Variants in DVL3 observed in about 807,000 individuals in gnomAD.
DVL3 encodes the protein dishevelled segment polarity protein 3.
DVL3 carries 27 observed loss-of-function variants against 67.4 expected under a neutral mutation model. The observed-to-expected ratio is 0.40, with a 90% CI of 0.30 to 0.55. The LOEUF is 0.55. Among genes scored for constraint, DVL3 ranks in the 20% least tolerant of loss-of-function variants. The pLI is 0.46. For synonymous variants in DVL3, 369 were observed against 396.8 expected (o/e 0.93, Z 0.83); for missense variants, 819 against 1,021.5 (o/e 0.80, Z 2.70).
At position 184,167,508 on chromosome 3, in the gene DVL3, C is replaced by T; in HGVS notation, c.1199-72C>T. Reference sequence around the variant, plus strand: ...ATCCCATAATTACTAGATGGTAGAGCTAGAATGCAAACTCTTGTTTACCTA... The same window carrying T: ...ATCCCATAATTACTAGATGGTAGAGTTAGAATGCAAACTCTTGTTTACCTA... On this transcript the variant is annotated intron_variant, in intron 11 of 14. Coordinates refer to ENST00000313143, the MANE Select transcript of DVL3 (RefSeq NM_004423.4). This position sits in a 1 kb window ranked among gnomAD's most constrained non-coding sequence, Gnocchi z 4.6. 1 of 1,441,380 alleles carries T rather than the reference C, an allele frequency of 6.9e-7. No homozygotes were observed. The highest frequency in any genetic ancestry group is 2.3e-5 in the East Asian group (1 of 43,606). 89.3% of individuals were successfully genotyped at this position (1,441,380 alleles called of 1,614,324 possible). A position where few individuals can be genotyped will look rare whatever the true frequency, so the allele number is the denominator to read the frequency against.
At position 184,171,175 on chromosome 3, in the gene DVL3, C is replaced by G. The variant is rs1203600530; in HGVS notation, c.*420C>G. On this transcript the variant is annotated 3_prime_UTR_variant, in exon 15 of 15. Coordinates refer to ENST00000313143, the MANE Select transcript of DVL3 (RefSeq NM_004423.4). The stretch of plus-strand genomic sequence containing the variant: ...CCATTTATTCAGCTACATCATCCCT[C>G]TATTAACCCCACCCCATCAGGCACG... The G allele has an allele frequency of 1.7e-6, 2 of 1,144,176 alleles. No individual in the cohort carries two copies. The highest frequency in any genetic ancestry group is 2.2e-6 in the Non-Finnish European group (2 of 923,188). The allele number at this position is 1,144,176 out of a possible 1,614,324, so 70.9% of individuals were successfully genotyped here.
chr3:184,166,408 C>T lies in DVL3; in HGVS notation c.904-38C>T. On this transcript the variant is annotated intron_variant, in intron 8 of 14. Transcript: ENST00000313143. This position sits in a 1 kb window ranked among gnomAD's most constrained non-coding sequence, Gnocchi z 6.7. ...AGTTGAGTTCCCTTTTCATCCTCCCCAGCACAGCTGTTTATCCCACTCCTG... is the reference window on the plus strand; with the variant it reads ...AGTTGAGTTCCCTTTTCATCCTCCCTAGCACAGCTGTTTATCCCACTCCTG... 3 of 1,613,452 alleles carry T rather than the reference C, an allele frequency of 1.9e-6. No homozygotes were observed. Among genetic ancestry groups the T allele is most frequent in the Non-Finnish European group, 2.5e-6 (3 of 1,179,402 alleles).
At position 184,165,369 on chromosome 3, in the gene DVL3, G is replaced by A; in HGVS notation, c.694-53G>A. The A allele has an allele frequency of 6.3e-7, 1 of 1,588,474 alleles. No individual in the cohort carries two copies. The highest frequency in any genetic ancestry group is 8.6e-7 in the Non-Finnish European group (1 of 1,158,000). On this transcript the variant is annotated intron_variant, in intron 6 of 14. Coordinates refer to ENST00000313143, the MANE Select transcript of DVL3 (RefSeq NM_004423.4). The surrounding 1 kb of genome is among the most constrained non-coding windows in gnomAD (Gnocchi z 4.1). ...ACTCACCTTGAGGAGGAGTCAGGTG[G>A]GAGTGAATTCCTGCCACCTCCACCT... is the stretch of plus-strand genomic sequence containing the variant.
intron 1 of DVL3, chr3:184,156,765 A>T: frequency 3.5e-6 from 1 of 283,020 alleles, no homozygotes; most frequent in South Asian, 3.1e-5. Context: ...GGGGAGGGGG[A>T]GGCGCCCACA....
intron 13 of DVL3, 86 bp from the exon 14 acceptor site, chr3:184,169,920 G>T: frequency 1.6e-6 from 2 of 1,233,974 alleles, no homozygotes; most frequent in Non-Finnish European, 2.3e-6. Flanking sequence ...AAACTACCAC[G>T]GTCTCTCTCA....
In DVL3 at chr3:184,172,829, C is replaced by G. The variant is rs1714893731; in HGVS notation, c.*2074C>G. The G allele has an allele frequency of 6.6e-6, 1 of 152,192 alleles. No homozygotes were observed. Among genetic ancestry groups the G allele is most frequent in the Non-Finnish European group, 1.5e-5 (1 of 68,054 alleles). The allele number at this position is 152,192 out of a possible 1,614,324, so 9.4% of individuals were successfully genotyped here. Reference sequence around the variant, plus strand: ...CAATCTTGCCTGCCTTCTGGGAGCTCTAGAATTGTTCCCAACCCAGTCCAT... The same window carrying G: ...CAATCTTGCCTGCCTTCTGGGAGCTGTAGAATTGTTCCCAACCCAGTCCAT... On this transcript the variant is annotated 3_prime_UTR_variant, in exon 15 of 15. Coordinates refer to ENST00000313143, the MANE Select transcript of DVL3 (RefSeq NM_004423.4).
At chr3:184,159,799 C>A (rs73045932) in intron 1 of DVL3, among the ~76,000 whole-genome samples, 8 of 152,332 alleles carry the variant, frequency 5.3e-5, no homozygotes, top group African/African-American at 1.9e-4. Flanking sequence ...GGACCATAGT[C>A]TCTCTGAGAA....
intron 1 of DVL3, among the ~76,000 whole-genome samples, chr3:184,161,472 T>C (rs995318921): frequency 6.6e-6 from 1 of 151,252 alleles, no homozygotes; most frequent in Admixed American, 6.6e-5. Flanking sequence ...CTTCCCAACC[T>C]CCTCCTTGCT....
At position 184,167,806 on chromosome 3, in the gene DVL3, A is replaced by G; in HGVS notation, c.1331-92A>G. On this transcript the variant is annotated intron_variant, in intron 12 of 14. Transcript: ENST00000313143. This position sits in a 1 kb window ranked among gnomAD's most constrained non-coding sequence, Gnocchi z 4.6. ...GGACTTGCCTTGGACCCTTCCTTTG[A>G]TCTGGAGCCAGCCCCAGCCTCATAG... The G allele has an allele frequency of 6.2e-7, 1 of 1,600,310 alleles. No individual in the cohort carries two copies.
Position 184,167,188 on chromosome 3 carries a change from C to T in DVL3, c.1198+213C>T, listed in dbSNP as rs757815047. On this transcript the variant is annotated intron_variant, in intron 11 of 14. Coordinates refer to ENST00000313143, the MANE Select transcript of DVL3 (RefSeq NM_004423.4). This position sits in a 1 kb window ranked among gnomAD's most constrained non-coding sequence, Gnocchi z 4.6. ...TCTGAACTTGTATGAGCACCCAGGGCGCCTCAGTTTCCTCTTACAAAATGG... is the reference window on the plus strand; with the variant it reads ...TCTGAACTTGTATGAGCACCCAGGGTGCCTCAGTTTCCTCTTACAAAATGG... Among the ~76,000 whole-genome samples, 21 of 152,152 alleles carry T rather than the reference C, an allele frequency of 1.4e-4. No homozygotes were observed. The highest frequency in any genetic ancestry group is 2.1e-4 in the Non-Finnish European group (14 of 68,028).
At position 184,155,471 on chromosome 3, in the gene DVL3, G is replaced by A; in HGVS notation, c.-165G>A. The A allele has an allele frequency of 4.5e-6, 1 of 224,276 alleles. No individual in the cohort carries two copies. The highest frequency in any genetic ancestry group is 7.5e-6 in the Non-Finnish European group (1 of 134,192). The allele number at this position is 224,276 out of a possible 1,614,324, so 13.9% of individuals were successfully genotyped here. ...GCGGCGGCCGCGGCGGCGGCGGGCGGCGCTGGGACCCGGTAGCGGCCGGAG... is the reference window on the plus strand; with the variant it reads ...GCGGCGGCCGCGGCGGCGGCGGGCGACGCTGGGACCCGGTAGCGGCCGGAG... On this transcript the variant is annotated 5_prime_UTR_variant, in exon 1 of 15. Transcript: ENST00000313143. This position sits in a 1 kb window ranked among gnomAD's most constrained non-coding sequence, Gnocchi z 5.4.
At position 184,166,756 on chromosome 3, in the gene DVL3, C is replaced by T. The variant is rs1057124035; in HGVS notation, c.1049-70C>T. 8 of 1,613,258 alleles carry T rather than the reference C, an allele frequency of 5.0e-6. No individual in the cohort carries two copies. The highest frequency in any genetic ancestry group is 6.8e-6 in the Non-Finnish European group (8 of 1,179,458). ...CTCCTTTCTTCTCTCACCCAGAACC[C>T]CCATATCTATCCTGTTGGGCCCAGC... On this transcript the variant is annotated intron_variant, in intron 10 of 14. Transcript: ENST00000313143. This position sits in a 1 kb window ranked among gnomAD's most constrained non-coding sequence, Gnocchi z 6.7.
chr3:184,163,869 C>T lies in DVL3; in HGVS notation c.231+143C>T, dbSNP rs1714466780. 1.4e-6 allele frequency: 1 copy of T among 720,250 alleles called. No individual in the cohort carries two copies. The highest frequency in any genetic ancestry group is 1.8e-5 in the African/African-American group (1 of 56,332). The allele number at this position is 720,250 out of a possible 1,614,324, so 44.6% of individuals were successfully genotyped here. On this transcript the variant is annotated intron_variant, in intron 2 of 14. Coordinates refer to ENST00000313143, the MANE Select transcript of DVL3 (RefSeq NM_004423.4). This position sits in a 1 kb window ranked among gnomAD's most constrained non-coding sequence, Gnocchi z 4.5. ...TTTTGCAAATGAACTGCTTCTCACCCCAGATTCTGTAACCTTTGATGAAAA... is the reference window on the plus strand; with the variant it reads ...TTTTGCAAATGAACTGCTTCTCACCTCAGATTCTGTAACCTTTGATGAAAA...
rs552635392 is a variant in DVL3, at chr3:184,169,551, A to T, written c.1499-455A>T. On this transcript the variant is annotated intron_variant, in intron 13 of 14. Coordinates refer to ENST00000313143, the MANE Select transcript of DVL3 (RefSeq NM_004423.4). ...ATCTACTAAACATACAAAAAAAAAA[A>T]TTAGCCAGGTGTGGTGGTGCAACCC... 3.9e-4 allele frequency among the ~76,000 whole-genome samples: 60 copies of T among 152,248 alleles called. 1 individual carries two copies. The highest frequency in any genetic ancestry group is 1.6e-3 in the Admixed American group (25 of 15,294).
Position 184,165,180 on chromosome 3 carries a change from A to C in DVL3, c.667A>C (p.Lys223Gln). 3 of 1,602,404 alleles carry C rather than the reference A, an allele frequency of 1.9e-6. No individual in the cohort carries two copies. Among genetic ancestry groups the C allele is most frequent in the Non-Finnish European group, 2.6e-6 (3 of 1,174,320 alleles). ...GAGAAGACACAAGCGGCGGCGGCGGAAGCAGAAGGTTTCTCGGATTGAGCG... is the reference window on the plus strand; with the variant it reads ...GAGAAGACACAAGCGGCGGCGGCGGCAGCAGAAGGTTTCTCGGATTGAGCG... Reference protein sequence around the residue: ...LMRRHKRRRRKQKVSRIERSS... With the variant: ...LMRRHKRRRRQQKVSRIERSS... Residue 223 changes from lysine to glutamine, a missense_variant, in exon 6 of 15, where the codon AAG (lysine) becomes CAG (glutamine). By Grantham distance (53) the Lys-to-Gln change is moderately conservative (BLOSUM62 1). Coordinates refer to ENST00000313143, the MANE Select transcript of DVL3 (RefSeq NM_004423.4). This position sits in a 1 kb window ranked among gnomAD's most constrained non-coding sequence, Gnocchi z 4.1.
At position 184,167,021 on chromosome 3, in the gene DVL3, T is replaced by TG. The variant is rs761481862; in HGVS notation, c.1198+52dup. On this transcript the variant is annotated intron_variant, in intron 11 of 14. Coordinates refer to ENST00000313143, the MANE Select transcript of DVL3 (RefSeq NM_004423.4). The surrounding 1 kb of genome is among the most constrained non-coding windows in gnomAD (Gnocchi z 4.6). ...CCTGGGCCCAGCAGACAGGGCCAGGTGGGGGGACTGATGAGGGTCCATGTG... is the reference window on the plus strand; with the variant it reads ...CCTGGGCCCAGCAGACAGGGCCAGGTGGGGGGGACTGATGAGGGTCCATGTG... The TG allele has an allele frequency of 1.9e-6, 3 of 1,601,374 alleles. No homozygotes were observed. Among genetic ancestry groups the TG allele is most frequent in the Admixed American group, 1.7e-5 (1 of 59,496 alleles).
At chr3:184,161,322 C>G (rs1709649) in intron 1 of DVL3, among the ~76,000 whole-genome samples, 71,539 of 151,772 alleles carry the variant, frequency 0.47, 17,046 homozygotes, top group South Asian at 0.55. Context: ...AGCTACTCGG[C>G]AGGCTGAGGC....
At chr3:184,157,315 C>T (rs1714233773) in intron 1 of DVL3, among the ~76,000 whole-genome samples, 1 of 152,166 alleles carries the variant, frequency 6.6e-6, no homozygotes, top group Admixed American at 6.5e-5. Flanking sequence ...AAGCTACTGC[C>T]TCCACATAAG....
intron 13 of DVL3, among the ~76,000 whole-genome samples, chr3:184,168,467 C>T (rs1216494900): frequency 6.6e-6 from 1 of 152,244 alleles, no homozygotes; most frequent in Non-Finnish European, 1.5e-5. Flanking sequence ...CCGAGGAGCA[C>T]ACAGTCATTC....
Sources: gnomAD v4.1 joint callset for allele counts (sites outside exome capture counted in the v4.1 genomes callset) on GRCh38, gnomAD v4.1.1 for gene constraint, Gnocchi (gnomAD v3.1) non-coding constraint, MANE v1.5 for transcripts, NCBI Gene and HGNC (gene_info 2026-07-23, HGNC 2026-07-21) for gene names.